The following PDE4D variants were observed in gnomAD, a reference collection of about 807,000 sequenced individuals.
PDE4D encodes the protein phosphodiesterase 4D, also known as 3',5'-cyclic-AMP phosphodiesterase 4D.
In PDE4D, 24 loss-of-function variants were observed where a neutral mutation model predicts 87.4. The ratio of observed to expected loss-of-function variants is 0.27; its 90% CI spans 0.20 to 0.39. The LOEUF is 0.39. PDE4D is among the 10% of genes least tolerant of loss of function. The pLI, the probability that PDE4D is intolerant of heterozygous loss-of-function variation, is 1.00. For missense variants in PDE4D, 714 were observed against 1,041.0 expected (o/e 0.69, Z 4.32); for synonymous variants, 384 against 383.2 (o/e 1.00, Z -0.02).
At chr5:59,679,010 T>C (rs531334772) in intron 1 of PDE4D, among the ~76,000 whole-genome samples, 1 of 152,224 alleles carries the variant, frequency 6.6e-6, no homozygotes, top group Non-Finnish European at 1.5e-5. Flanking sequence ...TTTCTATTTC[T>C]AGTAAATTGT....
chr5:59,607,637 A>G (rs906270323), intron 1 of PDE4D, among the ~76,000 whole-genome samples: 2 of 152,070 alleles, frequency 1.3e-5, no homozygotes, highest in Non-Finnish European at 2.9e-5. Context: ...ATGAAGTGAG[A>G]TGTCAGTAGA....
At chr5:60,076,056 G>T (rs1010907200) in intron 2 of PDE4D, among the ~76,000 whole-genome samples, 2 of 152,078 alleles carry the variant, frequency 1.3e-5, no homozygotes, top group African/African-American at 2.4e-5. Flanking sequence ...TGGAGAACTA[G>T]TATGATCATT....
At chr5:59,922,326 A>G (rs1561864290) in intron 3 of PDE4D, among the ~76,000 whole-genome samples, 1 of 152,062 alleles carries the variant, frequency 6.6e-6, no homozygotes, top group African/African-American at 2.4e-5. Flanking sequence ...TGGGTTTAGA[A>G]TTAGTGTTTA....
intron 1 of PDE4D, among the ~76,000 whole-genome samples, chr5:59,472,388 A>C (rs990976894): frequency 1.3e-5 from 2 of 152,142 alleles, no homozygotes; most frequent in African/African-American, 4.8e-5. Flanking sequence ...TGTCACATCA[A>C]CCAACCTCCT....
chr5:60,167,551 T>G (rs1034883897), intron 2 of PDE4D, among the ~76,000 whole-genome samples: 2 of 152,196 alleles, frequency 1.3e-5, no homozygotes, highest in African/African-American at 4.8e-5. Flanking sequence ...AATAACCCTG[T>G]GTTTAAGTTT....
intron 1 of PDE4D, chr5:59,586,454 CTCTT>C: frequency 6.5e-7 from 1 of 1,546,976 alleles, no homozygotes. Context: ...AATTCCAACT[CTCTT>C]GTTTGAGCAG....
chr5:60,520,910 T>TGTG (rs1375452259), intron 1 of PDE4D: 1 of 152,482 alleles, frequency 6.6e-6, no homozygotes, highest in Non-Finnish European at 1.5e-5. Context: ...CCAGAGTCTC[T>TGTG]GTGGGCCTCC....
chr5:60,467,276 G>A (rs900437739), intron 1 of PDE4D, among the ~76,000 whole-genome samples: 7 of 152,078 alleles, frequency 4.6e-5, no homozygotes, highest in Admixed American at 1.3e-4. Context: ...TTTACCTTGT[G>A]ATCTGCCTGC....
intron 1 of PDE4D, among the ~76,000 whole-genome samples, chr5:59,643,731 T>A (rs143165754): frequency 2.4e-3 from 372 of 152,310 alleles, no homozygotes; most frequent in African/African-American, 8.4e-3. Flanking sequence ...AAAGCAAGTA[T>A]GGATACCACC....
intron 1 of PDE4D, among the ~76,000 whole-genome samples, chr5:59,880,341 C>T (rs1749257750): frequency 1.3e-5 from 2 of 152,048 alleles, no homozygotes; most frequent in South Asian, 4.2e-4. Context: ...AGATCCTGAG[C>T]TCAAGTAATA....
chr5:60,047,297 G>T (rs1252780459), intron 2 of PDE4D, among the ~76,000 whole-genome samples: 1 of 151,640 alleles, frequency 6.6e-6, no homozygotes, highest in Non-Finnish European at 1.5e-5. Flanking sequence ...TATCAATTTT[G>T]TTGATCCTTT....
chr5:59,051,463 A>G (rs1462269330), intron 5 of PDE4D, among the ~76,000 whole-genome samples: 3 of 152,264 alleles, frequency 2.0e-5, no homozygotes, highest in African/African-American at 7.2e-5. Flanking sequence ...GGTTAATGAC[A>G]GAGCATCACT....
intron 1 of PDE4D, among the ~76,000 whole-genome samples, chr5:60,363,857 G>A (rs1231661254): frequency 3.3e-5 from 5 of 152,300 alleles, no homozygotes; most frequent in African/African-American, 1.2e-4. Flanking sequence ...AGATGATGTT[G>A]GAGAGAAAGG....
intron 1 of PDE4D, among the ~76,000 whole-genome samples, chr5:60,235,759 A>C (rs1234969542): frequency 6.6e-6 from 1 of 151,860 alleles, no homozygotes; most frequent in Non-Finnish European, 1.5e-5. Flanking sequence ...CCACTTTCTT[A>C]ATATTTTCAG....
chr5:59,072,216 T>C (rs1764965220), intron 5 of PDE4D, among the ~76,000 whole-genome samples: 1 of 152,010 alleles, frequency 6.6e-6, no homozygotes, highest in Non-Finnish European at 1.5e-5. Flanking sequence ...TATCTTTGGG[T>C]TTTTTCTCTT....
chr5:59,048,095 G>A (rs1760992298), intron 5 of PDE4D, among the ~76,000 whole-genome samples: 1 of 152,162 alleles, frequency 6.6e-6, no homozygotes, highest in African/African-American at 2.4e-5. Context: ...CCACAGGTTT[G>A]CGCTAAGATA....
At chr5:60,317,792 G>A (rs1281112410) in intron 1 of PDE4D, among the ~76,000 whole-genome samples, 1 of 152,204 alleles carries the variant, frequency 6.6e-6, no homozygotes, top group African/African-American at 2.4e-5. Context: ...ATGTAGTTGT[G>A]CAGTTTTGAG....
At chr5:60,014,806 T>C (rs886428340) in intron 2 of PDE4D, among the ~76,000 whole-genome samples, 2 of 152,026 alleles carry the variant, frequency 1.3e-5, no homozygotes, top group Admixed American at 1.3e-4. Flanking sequence ...TTTAATGGAA[T>C]AAATAGTCTC....
At chr5:59,722,827 T>C (rs72751235) in intron 1 of PDE4D, among the ~76,000 whole-genome samples, 28,144 of 152,086 alleles carry the variant, frequency 0.19, 3,150 homozygotes, top group South Asian at 0.26. Context: ...TACTCCTATA[T>C]ACCAAAAGCC....
Sources: gnomAD v4.1 joint callset for allele counts (sites outside exome capture counted in the v4.1 genomes callset) on GRCh38, gnomAD v4.1.1 for gene constraint, MANE v1.5 for transcripts, NCBI Gene and HGNC (gene_info 2026-07-23, HGNC 2026-07-21) for gene names.